NLRP5: variants seen among roughly 807,000 people sequenced by gnomAD.
NLRP5 encodes NLR family pyrin domain containing 5.
Under a neutral mutation model 113.1 loss-of-function variants are expected in NLRP5, and 93 were observed. The observed-to-expected ratio is 0.82, with a 90% CI of 0.70 to 0.98. The LOEUF is 0.98. Ranked by LOEUF, NLRP5 falls within the 50% of genes least tolerant of loss-of-function variation. NLRP5 has a pLI of 0.00. For synonymous variants in NLRP5, 751 were observed against 600.7 expected (o/e 1.25, Z -3.66); for missense variants, 1,808 against 1,514.3 (o/e 1.19, Z -3.22).
At chr19:56,049,879 G>A (rs1983866177) in intron 11 of NLRP5, among the ~76,000 whole-genome samples, 1 of 151,972 alleles carries the variant, frequency 6.6e-6, no homozygotes, top group Non-Finnish European at 1.5e-5. Flanking sequence ...ATCCATTGCT[G>A]GTGAACTAGT....
intron 9 of NLRP5, among the ~76,000 whole-genome samples, chr19:56,034,834 G>A (rs978559117): frequency 1.3e-5 from 2 of 152,186 alleles, no homozygotes; most frequent in Non-Finnish European, 2.9e-5. Context: ...TGGTTGGTTG[G>A]TTGGTCGGTC....
chr19:56,046,777 C>T (rs974645591), intron 11 of NLRP5, among the ~76,000 whole-genome samples: 17 of 152,306 alleles, frequency 1.1e-4, no homozygotes, highest in African/African-American at 3.6e-4. Context: ...CGTGATCTGC[C>T]CGCCTCGGCC....
chr19:56,007,884 T>TGCGC lies in NLRP5; in HGVS notation c.443-903_443-902insCGCG, dbSNP rs1555764357. Among the ~76,000 whole-genome samples, 12 of 99,850 alleles carry TGCGC rather than the reference T, an allele frequency of 1.2e-4. 1 individual carries two copies. Among genetic ancestry groups the TGCGC allele is most frequent in the East Asian group, 2.8e-4 (1 of 3,554 alleles). 65.5% of individuals were successfully genotyped at this position (99,850 alleles called of 152,430 possible). On this transcript the variant is annotated intron_variant, in intron 2 of 14. Transcript: ENST00000390649. ...ACAAGACAGTTTGTGTGTGTGTGTG[T>TGCGC]GTGTGCGCGTGCGCGCGTGCGTGTG...
intron 12 of NLRP5, among the ~76,000 whole-genome samples, chr19:56,051,690 T>C (rs544242539): frequency 6.6e-6 from 1 of 152,244 alleles, no homozygotes; most frequent in Non-Finnish European, 1.5e-5. Flanking sequence ...AGGTATTCCA[T>C]TGAATGGTGT....
At chr19:56,033,486 T>C (rs959487900) in intron 8 of NLRP5, 56 bp from the exon 9 acceptor site, 7 of 1,341,996 alleles carry the variant, frequency 5.2e-6, no homozygotes, top group Non-Finnish European at 7.3e-6. Flanking sequence ...GAAGGAAAAA[T>C]GAGGATACAA....
intron 12 of NLRP5, among the ~76,000 whole-genome samples, chr19:56,052,945 C>A (rs551214219): frequency 2.6e-5 from 4 of 152,282 alleles, no homozygotes; most frequent in Admixed American, 6.5e-5. Context: ...TTTAAAGATA[C>A]CTTTAGCCAG....
intron 2 of NLRP5, 48 bp downstream of exon 2, chr19:56,004,143 CA>C (rs767824385): frequency 1.6e-5 from 24 of 1,544,524 alleles, no homozygotes; most frequent in Non-Finnish European, 1.9e-5. Flanking sequence ...GAGGTGATTT[CA>C]GGTTCTCATG....
Position 56,027,808 on chromosome 19 carries a change from A to T in NLRP5, c.1575A>T (p.Arg525Ser). The T allele has an allele frequency of 6.2e-7, 1 of 1,613,930 alleles. No individual in the cohort carries two copies. Among genetic ancestry groups the T allele is most frequent in the Non-Finnish European group, 8.5e-7 (1 of 1,179,882 alleles). ...GGCGCTGTCTCAATCTGGAGGAAAG[A>T]GTTGTCCTGAAGCGCTTCTGCCGTA... The change falls in exon 7 of 15, where the codon AGA becomes AGT. Residue 525 changes from arginine to serine, a missense_variant. Arg to Ser is a moderately radical substitution (Grantham distance 110, BLOSUM62 -1). Transcript: ENST00000390649.
chr19:56,031,209 C>G (rs1983099185), intron 7 of NLRP5, among the ~76,000 whole-genome samples: 1 of 152,062 alleles, frequency 6.6e-6, no homozygotes, highest in Non-Finnish European at 1.5e-5. Context: ...AACAATGGAT[C>G]TCTAGAACTT....
intron 11 of NLRP5, among the ~76,000 whole-genome samples, chr19:56,048,873 C>G (rs1052528175): frequency 2.0e-5 from 3 of 150,900 alleles, no homozygotes; most frequent in African/African-American, 7.3e-5. Flanking sequence ...TTGCATTTAA[C>G]ATAATCCCAG....
upstream of NLRP5, among the ~76,000 whole-genome samples, chr19:55,998,686 A>ATGTGTGTGTGTGTG (rs1374764391): frequency 2.1e-5 from 1 of 47,542 alleles, no homozygotes; most frequent in African/African-American, 8.6e-5. Flanking sequence ...ATATATATAT[A>ATGTGTGTGTGTGTG]TATATATATA....
At chr19:56,025,712 TC>T (rs1467937754) in intron 6 of NLRP5, among the ~76,000 whole-genome samples, 16 of 151,808 alleles carry the variant, frequency 1.1e-4, no homozygotes, top group Admixed American at 9.2e-4. Context: ...ATCCGGCCAT[TC>T]CCCTCTTTAT....
At chr19:56,029,529 G>C (rs1411148230) in intron 7 of NLRP5, among the ~76,000 whole-genome samples, 1 of 152,046 alleles carries the variant, frequency 6.6e-6, no homozygotes, top group Non-Finnish European at 1.5e-5. Context: ...GCCTCCCAAA[G>C]TGCTGGGATT....
the NLRP5 span, among the ~76,000 whole-genome samples, chr19:55,991,153 A>C: frequency 6.6e-6 from 1 of 152,166 alleles, no homozygotes; most frequent in Non-Finnish European, 1.5e-5. Flanking sequence ...TATTGAATTA[A>C]TCTGTCATCT....
intron 11 of NLRP5, among the ~76,000 whole-genome samples, chr19:56,048,681 A>G (rs1261601330): frequency 6.6e-6 from 1 of 152,112 alleles, no homozygotes; most frequent in Admixed American, 6.6e-5. Flanking sequence ...AGATAAGCTG[A>G]TGACAATGTG....
chr19:56,008,921 A>G (rs1395415280), intron 3 of NLRP5, 68 bp downstream of exon 3: 4 of 1,354,870 alleles, frequency 3.0e-6, no homozygotes, highest in Non-Finnish European at 4.2e-6. Flanking sequence ...TTGCATCTCT[A>G]GGCATTAGAA....
intron 6 of NLRP5, among the ~76,000 whole-genome samples, chr19:56,022,793 C>T (rs1291204144): frequency 6.6e-6 from 1 of 152,166 alleles, no homozygotes; most frequent in East Asian, 1.9e-4. Flanking sequence ...GGCGCGATCT[C>T]AGCTCACTGC....
At position 56,008,794 on chromosome 19, in the gene NLRP5, C is replaced by G; in HGVS notation, c.449C>G (p.Ser150Ter). 2 of 1,609,798 alleles carry G rather than the reference C, an allele frequency of 1.2e-6. No individual in the cohort carries two copies. Among genetic ancestry groups the G allele is most frequent in the Non-Finnish European group, 1.7e-6 (2 of 1,178,026 alleles). The change falls in exon 3 of 15, where the codon TCA becomes TGA. Residue 150 changes from serine to a stop codon, truncating the protein, a stop_gained. Transcript: ENST00000390649. LOFTEE classifies it high-confidence loss of function. ...CTTTTTCTTTGTCTTCCAGGACATT[C>G]ACCAGAAGATCCTGAAGCAACGATG...
rs369622191 is a variant in NLRP5, at chr19:56,043,542, C to CTTTTTTTTTTTTTTTTT, written c.2957+2475_2957+2491dup. On this transcript the variant is annotated intron_variant, in intron 11 of 14. Coordinates refer to ENST00000390649, the MANE Select transcript of NLRP5 (RefSeq NM_153447.4). ...TGGATTGTCTGTTTACTCTGCTATT[C>CTTTTTTTTTTTTTTTTT]TTTTTTTTTTTTTTTTTTTTTTTTT... 7.5e-5 allele frequency among the ~76,000 whole-genome samples: 7 copies of CTTTTTTTTTTTTTTTTT among 92,962 alleles called. 1 individual carries two copies. The highest frequency in any genetic ancestry group is 1.6e-4 in the African/African-American group (3 of 18,838). 61.0% of individuals were successfully genotyped at this position (92,962 alleles called of 152,430 possible). A position where few individuals can be genotyped will look rare whatever the true frequency, so the allele number is the denominator to read the frequency against.
Sources: allele counts gnomAD v4.1 joint callset (sites outside exome capture counted in the v4.1 genomes callset), GRCh38; gene constraint gnomAD v4.1.1; transcripts MANE v1.5; gene names NCBI Gene and HGNC (gene_info 2026-07-23, HGNC 2026-07-21).